The following DNAJC16 variants were observed in gnomAD, a reference collection of about 807,000 sequenced individuals.
The protein encoded by DNAJC16 is dnaJ homolog subfamily C member 16.
A neutral mutation model predicts 92.7 loss-of-function variants in DNAJC16; 76 were observed. That is an observed-to-expected ratio of 0.82 (90% CI 0.68 to 0.99). The LOEUF (loss-of-function observed/expected upper bound fraction) is 0.99, where lower values mean the gene tolerates loss of function less well. Among genes scored for constraint, DNAJC16 ranks in the 50% least tolerant of loss-of-function variants. The pLI, the probability that DNAJC16 is intolerant of heterozygous loss-of-function variation, is 0.00. For missense variants in DNAJC16, 869 were observed against 942.4 expected (o/e 0.92, Z 1.02); for synonymous variants, 328 against 358.7 (o/e 0.91, Z 0.97).
intron 7 of DNAJC16, among the ~76,000 whole-genome samples, chr1:15,556,551 A>G (rs1415606269): frequency 6.6e-6 from 1 of 152,244 alleles, no homozygotes; most frequent in East Asian, 1.9e-4. Context: ...ACTTTGTATC[A>G]TCCAGCAACC....
rs571001546 is a variant in DNAJC16 at position 15,544,277 on chromosome 1, A to G, written c.575-122A>G. On this transcript the variant is annotated intron_variant, in intron 4 of 14. Coordinates refer to ENST00000375847, the MANE Select transcript of DNAJC16 (RefSeq NM_015291.4). The stretch of plus-strand genomic sequence containing the variant: ...GCAGTGAAAGAATGCTAGACAGTCT[A>G]TTAGGAAAGACATCTCCTATGAGGT... 16 of 955,968 alleles carry G rather than the reference A, an allele frequency of 1.7e-5. No homozygotes were observed. The East Asian group carries it at 2.9e-4, about 17-fold the overall frequency. 59.2% of individuals were successfully genotyped at this position (955,968 alleles called of 1,614,324 possible). A position where few individuals can be genotyped will look rare whatever the true frequency, so the allele number is the denominator to read the frequency against.
chr1:15,555,398 AAAG>A (rs1375204511), intron 7 of DNAJC16, among the ~76,000 whole-genome samples: 1 of 151,092 alleles, frequency 6.6e-6, no homozygotes, highest in Non-Finnish European at 1.5e-5. Flanking sequence ...AAAAAAAAAA[AAAG>A]AGGCCGGGTG....
chr1:15,552,590 A>T (rs1484141817), intron 7 of DNAJC16, among the ~76,000 whole-genome samples: 1 of 152,012 alleles, frequency 6.6e-6, no homozygotes, highest in Non-Finnish European at 1.5e-5. Context: ...CATGAGTAAA[A>T]GATCCATTAT....
chr1:15,566,981 A>G (rs761472303), intron 13 of DNAJC16, 118 bp from the exon 14 acceptor site: 25 of 926,718 alleles, frequency 2.7e-5, no homozygotes, highest in Non-Finnish European at 4.0e-5. Flanking sequence ...ACTCAAGAAT[A>G]GTGAATAACA....
In DNAJC16 at chr1:15,564,271, C is replaced by G. The variant is rs1362197073; in HGVS notation, c.1522-12C>G. 1.3e-6 allele frequency: 2 copies of G among 1,588,984 alleles called. No individual in the cohort carries two copies. The highest frequency in any genetic ancestry group is 1.7e-6 in the Non-Finnish European group (2 of 1,157,132). ...TTTAGTCCTGACCATCATCCATTTT[C>G]TCTCTACATAGGTTTTTCTCCTTCG... On this transcript the variant is annotated splice_polypyrimidine_tract_variant and intron_variant, in intron 10 of 14. Coordinates refer to ENST00000375847, the MANE Select transcript of DNAJC16 (RefSeq NM_015291.4).
At chr1:15,555,820 C>T (rs997698690) in intron 7 of DNAJC16, among the ~76,000 whole-genome samples, 8 of 151,266 alleles carry the variant, frequency 5.3e-5, no homozygotes, top group South Asian at 4.2e-4. Flanking sequence ...GGAGAAACCC[C>T]GTCTCTACTA....
chr1:15,544,599 G>A lies in DNAJC16; in HGVS notation c.759+16G>A, dbSNP rs1638244763. ...GGTGGAGAAAGTAAGTATCTGTCAA[G>A]GAAACTATGGCTGAGAAGTAGTTTA... is the stretch of plus-strand genomic sequence containing the variant. On this transcript the variant is annotated intron_variant, in intron 5 of 14. Transcript: ENST00000375847. The A allele has an allele frequency of 6.2e-7, 1 of 1,612,750 alleles. No homozygotes were observed. Among genetic ancestry groups the A allele is most frequent in the African/African-American group, 1.3e-5 (1 of 74,900 alleles).
intron 3 of DNAJC16, 59 bp from the exon 4 acceptor site, chr1:15,536,415 AC>A (rs1710785785): frequency 1.4e-6 from 2 of 1,389,546 alleles, no homozygotes; most frequent in African/African-American, 2.9e-5. Flanking sequence ...CAAGCTGCTT[AC>A]AAAAAAGTCT....
intron 2 of DNAJC16, 85 bp from the exon 3 acceptor site, chr1:15,534,152 G>A: frequency 7.1e-7 from 1 of 1,401,634 alleles, no homozygotes; most frequent in East Asian, 2.4e-5. Context: ...GTCTGCCTCT[G>A]TAGTGAACTC....
intron 6 of DNAJC16, among the ~76,000 whole-genome samples, chr1:15,547,486 A>G (rs896308867): frequency 8.9e-5 from 13 of 145,494 alleles, no homozygotes; most frequent in Admixed American, 7.1e-4. Context: ...TCTGTTGCCC[A>G]TGCTGGAGTG....
intron 1 of DNAJC16, among the ~76,000 whole-genome samples, 176 bp from the exon 2 acceptor site, chr1:15,528,912 T>C (rs768776112): frequency 1.3e-5 from 2 of 152,242 alleles, no homozygotes; most frequent in African/African-American, 2.4e-5. Flanking sequence ...ATTTGTGATA[T>C]TCAAAAGCAG....
chr1:15,547,759 A>C (rs1323675694), intron 6 of DNAJC16, among the ~76,000 whole-genome samples: 1 of 152,094 alleles, frequency 6.6e-6, no homozygotes, highest in African/African-American at 2.4e-5. Flanking sequence ...CTGTTTGCAT[A>C]GAGCAAGATA....
chr1:15,532,893 T>A (rs912669115), intron 2 of DNAJC16, among the ~76,000 whole-genome samples: 1 of 152,214 alleles, frequency 6.6e-6, no homozygotes, highest in African/African-American at 2.4e-5. Context: ...TGTAGAGAAA[T>A]CAGAATATGT....
chr1:15,528,704 TTTTA>T (rs1420019807), intron 1 of DNAJC16, among the ~76,000 whole-genome samples: 5 of 152,244 alleles, frequency 3.3e-5, no homozygotes, highest in African/African-American at 7.2e-5. Flanking sequence ...AAACCATTTA[TTTTA>T]TTTATTCTTA....
chr1:15,554,406 T>G (rs1229139035), intron 7 of DNAJC16, among the ~76,000 whole-genome samples: 1 of 152,196 alleles, frequency 6.6e-6, no homozygotes, highest in Non-Finnish European at 1.5e-5. Context: ...TTGTGATTGG[T>G]TCTTCCTTGT....
rs758094066 is a variant in DNAJC16, at chr1:15,567,257, A to G, written c.1937A>G (p.Tyr646Cys). Residue 646 changes from tyrosine to cysteine, a missense_variant, in exon 14 of 15, where the codon TAC (tyrosine) becomes TGC (cysteine). Tyr to Cys is a radical substitution (Grantham distance 194). Coordinates refer to ENST00000375847, the MANE Select transcript of DNAJC16 (RefSeq NM_015291.4). ...CTACAGAAATTTGCTTTGGAGGTCT[A>G]CACATTTACTGGGTAAGCATGTGTG... ...SLLQKFALEVYTFTGSSCLHF... is the reference protein window; with the variant it reads ...SLLQKFALEVCTFTGSSCLHF... 8 of 1,613,654 alleles carry G rather than the reference A, an allele frequency of 5.0e-6. No homozygotes were observed. The highest frequency in any genetic ancestry group is 2.2e-5 in the East Asian group (1 of 44,864).
chr1:15,565,838 T>C, intron 11 of DNAJC16, 81 bp from the exon 12 acceptor site: 1 of 1,420,988 alleles, frequency 7.0e-7, no homozygotes, highest in Non-Finnish European at 9.8e-7. Context: ...GAGTTTTTGG[T>C]TTGGGATTTT....
At chr1:15,540,344 A>G (rs985336378) in intron 4 of DNAJC16, among the ~76,000 whole-genome samples, 2 of 152,194 alleles carry the variant, frequency 1.3e-5, no homozygotes, top group African/African-American at 4.8e-5. Context: ...AAGAAAAGAA[A>G]AAAACCACAA....
intron 3 of DNAJC16, among the ~76,000 whole-genome samples, chr1:15,535,348 C>T (rs1199334093): frequency 6.6e-6 from 1 of 152,152 alleles, no homozygotes; most frequent in Non-Finnish European, 1.5e-5. Context: ...TCTTTAATGC[C>T]AAGATGAGCA....
Sources: gnomAD v4.1 joint callset for allele counts (sites outside exome capture counted in the v4.1 genomes callset) on GRCh38, gnomAD v4.1.1 for gene constraint, MANE v1.5 for transcripts, NCBI Gene and HGNC (gene_info 2026-07-23, HGNC 2026-07-21) for gene names.